HPSE2: variants seen among roughly 807,000 people sequenced by gnomAD.
The protein encoded by HPSE2 is inactive heparanase-2.
A neutral mutation model predicts 60.5 loss-of-function variants in HPSE2; 38 were observed. The observed-to-expected ratio is 0.63, with a 90% CI of 0.48 to 0.82. HPSE2 has a LOEUF of 0.82. Ranked by LOEUF, HPSE2 falls within the 40% of genes least tolerant of loss-of-function variation. The pLI is 0.00. For missense variants in HPSE2, 713 were observed against 740.4 expected (o/e 0.96, Z 0.43); for synonymous variants, 295 against 293.2 (o/e 1.01, Z -0.06).
chr10:98,819,492 C>T (rs533146257), intron 3 of HPSE2, among the ~76,000 whole-genome samples: 1 of 142,514 alleles, frequency 7.0e-6, no homozygotes, highest in East Asian at 2.1e-4. Flanking sequence ...CTTAGGAAAA[C>T]ATCATGTGGC....
At chr10:98,816,221 A>G (rs1419920600) in intron 3 of HPSE2, among the ~76,000 whole-genome samples, 1 of 152,146 alleles carries the variant, frequency 6.6e-6, no homozygotes, top group East Asian at 1.9e-4. Context: ...TGCAAAAGAT[A>G]AGAAGCAGCC....
chr10:98,752,058 G>A (rs1949770223), intron 3 of HPSE2, among the ~76,000 whole-genome samples: 1 of 152,090 alleles, frequency 6.6e-6, no homozygotes, highest in Admixed American at 6.5e-5. Context: ...TTTTGGAGAG[G>A]ACAGGCTCCC....
At chr10:98,575,749 G>A (rs1257960972) in intron 9 of HPSE2, among the ~76,000 whole-genome samples, 1 of 152,144 alleles carries the variant, frequency 6.6e-6, no homozygotes, top group Non-Finnish European at 1.5e-5. Flanking sequence ...ATCATGCCAT[G>A]GTGCAGATTC....
intron 3 of HPSE2, among the ~76,000 whole-genome samples, chr10:98,760,887 A>C (rs1949989555): frequency 6.6e-6 from 1 of 152,068 alleles, no homozygotes; most frequent in Non-Finnish European, 1.5e-5. Flanking sequence ...TGAGTTTGAG[A>C]AGGAATGGTA....
chr10:99,052,489 G>T (rs1391114144), intron 3 of HPSE2, among the ~76,000 whole-genome samples: 1 of 151,704 alleles, frequency 6.6e-6, no homozygotes, highest in Non-Finnish European at 1.5e-5. Flanking sequence ...GTATGAAATT[G>T]TGGGGGGAAA....
intron 3 of HPSE2, among the ~76,000 whole-genome samples, chr10:99,120,058 C>G (rs988441555): frequency 1.3e-4 from 20 of 152,148 alleles, no homozygotes; most frequent in African/African-American, 4.8e-4. Flanking sequence ...ACAAAGACGC[C>G]AAAAGCAATC....
At chr10:98,753,264 G>A (rs72834994) in intron 3 of HPSE2, among the ~76,000 whole-genome samples, 2,305 of 152,282 alleles carry the variant, frequency 0.015, 32 homozygotes, top group African/African-American at 0.03. Context: ...AAGTGCTGGC[G>A]TGGGTAAGAG....
At chr10:99,308,547 T>C in the HPSE2 span, among the ~76,000 whole-genome samples, 1 of 152,104 alleles carries the variant, frequency 6.6e-6, no homozygotes, top group Non-Finnish European at 1.5e-5. Context: ...GTTAACCCTT[T>C]TTCTGTTTGC....
chr10:99,109,783 G>A (rs1844388460), intron 3 of HPSE2, among the ~76,000 whole-genome samples: 2 of 152,106 alleles, frequency 1.3e-5, no homozygotes, highest in South Asian at 4.1e-4. Context: ...TAGTTCATAA[G>A]AAAAGATATT....
At chr10:99,144,459 A>G in intron 2 of HPSE2, 60 bp from the exon 3 acceptor site, 2 of 1,578,492 alleles carry the variant, frequency 1.3e-6, no homozygotes, top group Non-Finnish European at 1.7e-6. Flanking sequence ...AAAATAATAC[A>G]TCATCAAAGT....
intron 9 of HPSE2, among the ~76,000 whole-genome samples, chr10:98,598,601 T>C (rs1468242273): frequency 6.6e-6 from 1 of 151,806 alleles, no homozygotes; most frequent in Non-Finnish European, 1.5e-5. Context: ...CCTGAGCTCA[T>C]GGAAGATGGG....
intron 3 of HPSE2, among the ~76,000 whole-genome samples, chr10:98,806,394 T>C (rs1377766267): frequency 1.3e-5 from 2 of 152,146 alleles, no homozygotes; most frequent in African/African-American, 4.8e-5. Context: ...AGAGACATCA[T>C]AAATATGTCA....
At chr10:99,203,616 C>G (rs1589816640) in intron 2 of HPSE2, among the ~76,000 whole-genome samples, 2 of 152,238 alleles carry the variant, frequency 1.3e-5, no homozygotes, top group African/African-American at 4.8e-5. Flanking sequence ...GACTGGCCCC[C>G]ACAGACACAG....
chr10:99,053,719 C>CTT (rs11301458), intron 3 of HPSE2, among the ~76,000 whole-genome samples: 6,125 of 57,840 alleles, frequency 0.11, 2,203 homozygotes, highest in Admixed American at 0.14. Context: ...GAGTTACAGT[C>CTT]TTTTTTTTTT....
At chr10:99,289,451 AT>A in the HPSE2 span, among the ~76,000 whole-genome samples, 3 of 152,122 alleles carry the variant, frequency 2.0e-5, no homozygotes, top group African/African-American at 7.2e-5. Flanking sequence ...ATTTTTAGCA[AT>A]AAAAAATTGT....
At chr10:98,696,745 A>C (rs973910264) in intron 5 of HPSE2, among the ~76,000 whole-genome samples, 4 of 152,180 alleles carry the variant, frequency 2.6e-5, no homozygotes, top group Non-Finnish European at 5.9e-5. Context: ...GAGGGGCGAC[A>C]GCCAACTCTG....
At chr10:98,867,593 C>CA (rs1952621572) in intron 3 of HPSE2, among the ~76,000 whole-genome samples, 1 of 152,194 alleles carries the variant, frequency 6.6e-6, no homozygotes, top group South Asian at 2.1e-4. Flanking sequence ...TGGAGTTTCT[C>CA]AAAAAACTAA....
chr10:98,623,306 T>C (rs1946121737), intron 7 of HPSE2, among the ~76,000 whole-genome samples: 1 of 152,098 alleles, frequency 6.6e-6, no homozygotes, highest in African/African-American at 2.4e-5. Flanking sequence ...AATGGTTTCC[T>C]AGGGTTGAAG....
chr10:99,189,479 T>C (rs556365194), intron 2 of HPSE2, among the ~76,000 whole-genome samples: 3 of 152,192 alleles, frequency 2.0e-5, no homozygotes, highest in South Asian at 2.1e-4. Context: ...ATAAAAAGCA[T>C]GAACTTACTT....
Sources: allele counts gnomAD v4.1 joint callset (sites outside exome capture counted in the v4.1 genomes callset), GRCh38; gene constraint gnomAD v4.1.1; transcripts MANE v1.5; gene names NCBI Gene and HGNC (gene_info 2026-07-23, HGNC 2026-07-21).